RND1: variants seen among roughly 807,000 people sequenced by gnomAD.
RND1 encodes Rho family GTPase 1.
A neutral mutation model predicts 27.1 loss-of-function variants in RND1; 9 were observed. The observed-to-expected ratio is 0.33, with a 90% CI of 0.20 to 0.58. The LOEUF is 0.58. Ranked by LOEUF, RND1 falls within the 20% of genes least tolerant of loss-of-function variation. The pLI is 0.86. For missense variants in RND1, 253 were observed against 292.2 expected, an observed-to-expected ratio of 0.87 and a Z score of 0.98; for synonymous variants, 108 against 115.7, an observed-to-expected ratio of 0.93 and a Z score of 0.43.
Position 48,857,990 on chromosome 12 carries a change from T to A in RND1, c.*6A>T. ...AGGGGGTTGTCTCCCCCCTCCAATTTCCACTTCACATAATGGAACAGCTTT... is the reference window on the plus strand; with the variant it reads ...AGGGGGTTGTCTCCCCCCTCCAATTACCACTTCACATAATGGAACAGCTTT... On this transcript the variant is annotated 3_prime_UTR_variant, in exon 5 of 5. Coordinates refer to ENST00000309739, the MANE Select transcript of RND1 (RefSeq NM_014470.4). The A allele has an allele frequency of 6.3e-7, 1 of 1,585,048 alleles. No homozygotes were observed.
chr12:48,862,155 G>A, intron 2 of RND1, 37 bp from the exon 3 acceptor site: 1 of 1,318,764 alleles, frequency 7.6e-7, no homozygotes, highest in Non-Finnish European at 1.1e-6. Flanking sequence ...GTGAGCCATG[G>A]TGTTTTCCTT....
chr12:48,865,862 C>A lies in RND1; in HGVS notation c.-95G>T. 6.7e-7 allele frequency: 1 copy of A among 1,487,654 alleles called. No individual in the cohort carries two copies. Among genetic ancestry groups the A allele is most frequent in the Non-Finnish European group, 8.9e-7 (1 of 1,119,924 alleles). The allele number at this position is 1,487,654 out of a possible 1,614,324, so 92.2% of individuals were successfully genotyped here. On this transcript the variant is annotated 5_prime_UTR_variant, in exon 1 of 5. Coordinates refer to ENST00000309739, the MANE Select transcript of RND1 (RefSeq NM_014470.4). ...CCAATCAAGCCAGATTCCCTGCCTC[C>A]CTCCAACTGAGGAGGAGGCCGGCAC... is the stretch of plus-strand genomic sequence containing the variant.
intron 4 of RND1, 148 bp from the exon 5 acceptor site, chr12:48,858,389 C>CTTT (rs566310279): frequency 3.8e-4 from 203 of 540,790 alleles, no homozygotes; most frequent in South Asian, 6.1e-4. Flanking sequence ...ATTATCTTTT[C>CTTT]TTTTTTTTTT....
intron 4 of RND1, among the ~76,000 whole-genome samples, chr12:48,859,581 G>T (rs1005821783): frequency 1.3e-5 from 2 of 151,882 alleles, no homozygotes; most frequent in Middle Eastern, 3.4e-3. Context: ...TTATCCAGGG[G>T]TCTTATAAAA....
intron 1 of RND1, chr12:48,865,418 G>T: frequency 1.8e-6 from 1 of 559,324 alleles, no homozygotes. Context: ...GGGTCCTCTG[G>T]GTGAAGAGGT....
Position 48,864,811 on chromosome 12 carries a change from C to T in RND1, c.180G>A (p.Arg60=), listed in dbSNP as rs1448546419. 1.9e-6 allele frequency: 3 copies of T among 1,613,880 alleles called. No individual in the cohort carries two copies. Among genetic ancestry groups the T allele is most frequent in the South Asian group, 1.1e-5 (1 of 91,070 alleles). Residue 60 remains arginine, a synonymous_variant, in exon 2 of 5, where the codon AGG becomes AGA. Coordinates refer to ENST00000309739, the MANE Select transcript of RND1 (RefSeq NM_014470.4). ...AGGTATCCCAGAGACTAAGCTCCACCCTCTGTTCCTCTGTCTCCAAACAGG... is the reference window on the plus strand; with the variant it reads ...AGGTATCCCAGAGACTAAGCTCCACTCTCTGTTCCTCTGTCTCCAAACAGG... ...YTACLETEEQ[R]VELSLWDTSG... is the part of the protein sequence containing the mutation.
chr12:48,864,494 T>C (rs1227609886), intron 2 of RND1, among the ~76,000 whole-genome samples: 2 of 151,670 alleles, frequency 1.3e-5, no homozygotes, highest in East Asian at 3.9e-4. Context: ...AAGTCCTGTT[T>C]TACTGCCCAC....
intron 4 of RND1, among the ~76,000 whole-genome samples, chr12:48,860,225 G>A (rs1331475461): frequency 2.0e-5 from 3 of 151,178 alleles, no homozygotes; most frequent in African/African-American, 4.9e-5. Context: ...CTGGGATTAC[G>A]GGTGCATGCC....
intron 2 of RND1, among the ~76,000 whole-genome samples, chr12:48,864,416 T>TGTGTGTGTGCGCGCGCGC (rs141121524): frequency 5.9e-5 from 8 of 135,560 alleles, no homozygotes; most frequent in African/African-American, 1.9e-4. Context: ...TGTGTGTGTG[T>TGTGTGTGTGCGCGCGCGC]GCGCGCGCGC....
At chr12:48,864,448 C>T (rs1938961241) in intron 2 of RND1, among the ~76,000 whole-genome samples, 1 of 146,640 alleles carries the variant, frequency 6.8e-6, no homozygotes, top group African/African-American at 2.6e-5. Flanking sequence ...CATGTGTGTA[C>T]GCGTGCATGT....
At chr12:48,858,378 G>A (rs184786557) in intron 4 of RND1, 137 bp from the exon 5 acceptor site, 99 of 799,890 alleles carry the variant, frequency 1.2e-4, no homozygotes, top group Non-Finnish European at 1.7e-4. Flanking sequence ...CAGATTATTC[G>A]ATTATCTTTT....
In RND1 at chr12:48,857,996, T is replaced by A; in HGVS notation, c.699A>T (p.Ter233CysextTer25). The A allele has an allele frequency of 6.3e-7, 1 of 1,594,490 alleles. No individual in the cohort carries two copies. The highest frequency in any genetic ancestry group is 8.6e-7 in the Non-Finnish European group (1 of 1,169,318). Residue 233 changes from the stop codon to cysteine (C), a stop_lost, in exon 5 of 5, where the codon TGA (stop) becomes TGT (cysteine). Transcript: ENST00000309739. ...TTGTCTCCCCCCTCCAATTTCCACT[T>A]CACATAATGGAACAGCTTTTGGCCT... ...KEKAKSCSIM* is the reference protein window; with the variant it reads ...KEKAKSCSIMC
chr12:48,861,964 G>T, intron 3 of RND1, 45 bp downstream of exon 3: 1 of 1,104,192 alleles, frequency 9.1e-7, no homozygotes, highest in South Asian at 1.2e-5. Flanking sequence ...ATTCCTTCTT[G>T]GTCCTCATGC....
Position 48,865,629 on chromosome 12 carries a change from G to A in RND1, c.120+19C>T. 1 of 1,604,358 alleles carries A rather than the reference G, an allele frequency of 6.2e-7. No individual in the cohort carries two copies. The highest frequency in any genetic ancestry group is 1.3e-5 in the African/African-American group (1 of 74,836). On this transcript the variant is annotated intron_variant, in intron 1 of 4. Transcript: ENST00000309739. ...CAGGCAGGGAGAAAAGCCGGCCAGC[G>A]GGCGGGCGGGCAGCTCACCTCTGGA...
chr12:48,859,838 T>C (rs760098088), intron 4 of RND1, among the ~76,000 whole-genome samples: 4 of 152,178 alleles, frequency 2.6e-5, no homozygotes, highest in Non-Finnish European at 4.4e-5. Flanking sequence ...TAAACAACTA[T>C]TGTGCCACTG....
At chr12:48,860,676 C>T (rs749202491) in intron 4 of RND1, among the ~76,000 whole-genome samples, 4 of 149,286 alleles carry the variant, frequency 2.7e-5, no homozygotes, top group African/African-American at 9.8e-5. Flanking sequence ...TCTGGAATTA[C>T]AGGCATGAGC....
intron 4 of RND1, among the ~76,000 whole-genome samples, chr12:48,860,137 G>A (rs1175112020): frequency 1.3e-5 from 2 of 148,452 alleles, no homozygotes; most frequent in Non-Finnish European, 3.0e-5. Flanking sequence ...AGGTGGGAGT[G>A]CAGTGGCACA....
chr12:48,858,406 T>G (rs546551443), intron 4 of RND1, 165 bp from the exon 5 acceptor site: 467 of 699,574 alleles, frequency 6.7e-4, no homozygotes, highest in Admixed American at 1.2e-3. Context: ...TTTTTTTTTT[T>G]TGGCATACAC....
intron 4 of RND1, 148 bp from the exon 5 acceptor site, chr12:48,858,389 CTTT>C (rs566310279): frequency 0.016 from 8,325 of 532,704 alleles, no homozygotes; most frequent in South Asian, 0.019. Context: ...ATTATCTTTT[CTTT>C]TTTTTTTTTT....
Sources: gnomAD v4.1 joint callset for allele counts (sites outside exome capture counted in the v4.1 genomes callset) on GRCh38, gnomAD v4.1.1 for gene constraint, MANE v1.5 for transcripts, NCBI Gene and HGNC (gene_info 2026-07-23, HGNC 2026-07-21) for gene names.